Variants in ZNF174 observed in about 807,000 individuals in gnomAD.
ZNF174 encodes AW-1.
In ZNF174, 30 loss-of-function variants were observed where a neutral mutation model predicts 38.7. The observed-to-expected ratio is 0.78, with a 90% CI of 0.58 to 1.05. The LOEUF is 1.05. Ranked by LOEUF, ZNF174 falls within the 50% of genes least tolerant of loss-of-function variation. The pLI, the probability that ZNF174 is intolerant of heterozygous loss-of-function variation, is 0.00. For missense variants in ZNF174, 499 were observed against 495.6 expected (o/e 1.01, Z -0.06); for synonymous variants, 201 against 181.7 (o/e 1.11, Z -0.86).
At position 3,404,431 on chromosome 16, in the gene ZNF174, C is replaced by G. The variant is rs1328589288; in HGVS notation, c.408C>G (p.Ala136=). The change falls in exon 2 of 3, where the codon GCC becomes GCG. Residue 136 remains alanine (A), a synonymous_variant. Coordinates refer to ENST00000268655, the MANE Select transcript of ZNF174 (RefSeq NM_003450.3). ...TGGATGGGGCTTGTTCCTAGGTGGCCGTTTGTATGCAGGGGCAAAAGGTGC... is the reference window on the plus strand; with the variant it reads ...TGGATGGGGCTTGTTCCTAGGTGGCGGTTTGTATGCAGGGGCAAAAGGTGC... ...RASKKPKQWV[A]VCMQGQKVLL... is the part of the protein sequence containing the mutation. 2.7e-5 allele frequency: 44 copies of G among 1,601,572 alleles called. No individual in the cohort carries two copies. Among genetic ancestry groups the G allele is most frequent in the Non-Finnish European group, 3.6e-5 (42 of 1,171,444 alleles).
At chr16:3,403,106 T>C (rs552516021) in intron 1 of ZNF174, among the ~76,000 whole-genome samples, 1 of 151,468 alleles carries the variant, frequency 6.6e-6, no homozygotes, top group Admixed American at 6.6e-5. Context: ...CTTCATTTCA[T>C]TGGAAGTTCT....
At position 3,404,980 on chromosome 16, in the gene ZNF174, A is replaced by C. The variant is rs148036482; in HGVS notation, c.625+332A>C. On this transcript the variant is annotated intron_variant, in intron 2 of 2. Transcript: ENST00000268655. ...TCCATGCAAGCTATGGCTGAGTTTC[A>C]TTGCTTAAAATGCTCCTCTGTTTAG... 4.9e-5 allele frequency: 79 copies of C among 1,614,122 alleles called. 1 individual carries two copies. The African/African-American group carries it at 1.0e-3, about 20-fold the overall frequency.
intron 2 of ZNF174, among the ~76,000 whole-genome samples, chr16:3,406,856 A>G (rs535561753): frequency 9.5e-4 from 145 of 152,302 alleles, no homozygotes; most frequent in Non-Finnish European, 1.8e-3. Flanking sequence ...GGGCACAAAT[A>G]TGTACAGCTA....
At chr16:3,402,914 C>CGGGT (rs1257907858) in intron 1 of ZNF174, among the ~76,000 whole-genome samples, 5 of 152,090 alleles carry the variant, frequency 3.3e-5, no homozygotes, top group Admixed American at 1.3e-4. Context: ...TACTGATACC[C>CGGGT]AGTGAGGCAA....
rs982685016 is a variant in ZNF174 at position 3,409,231 on chromosome 16, G to A, written c.*312G>A. 5.3e-5 allele frequency: 17 copies of A among 319,134 alleles called. No individual in the cohort carries two copies. Among genetic ancestry groups the A allele is most frequent in the Non-Finnish European group, 8.1e-5 (14 of 172,814 alleles). 19.8% of individuals were successfully genotyped at this position (319,134 alleles called of 1,614,324 possible). A position where few individuals can be genotyped will look rare whatever the true frequency, so the allele number is the denominator to read the frequency against. The stretch of plus-strand genomic sequence containing the variant: ...CAGGTGGCCCGCTTACTGTTAAATC[G>A]TCCCTCTGTTGCTTTATCCTCTAAA... On this transcript the variant is annotated 3_prime_UTR_variant, in exon 3 of 3. Transcript: ENST00000268655.
At position 3,406,224 on chromosome 16, in the gene ZNF174, A is replaced by C. The variant is rs187251579; in HGVS notation, c.625+1576A>C. Among the ~76,000 whole-genome samples the C allele has an allele frequency of 9.0e-4, 137 of 152,094 alleles. 1 individual carries two copies. Among genetic ancestry groups the C allele is most frequent in the African/African-American group, 3.2e-3 (133 of 41,482 alleles). On this transcript the variant is annotated intron_variant, in intron 2 of 2. Transcript: ENST00000268655. ...GTTCATAGATTTTTGGGTTGTTTCT[A>C]CTTTTTGGTTATTATGAAGAATGCT...
Position 3,408,985 on chromosome 16 carries a change from T to A in ZNF174, c.*66T>A. ...GTGTTTCTCCTCCCCCTTACTTGCATGTAAATCACAAAAACTGTGTGACTT... is the reference window on the plus strand; with the variant it reads ...GTGTTTCTCCTCCCCCTTACTTGCAAGTAAATCACAAAAACTGTGTGACTT... On this transcript the variant is annotated 3_prime_UTR_variant, in exon 3 of 3. Coordinates refer to ENST00000268655, the MANE Select transcript of ZNF174 (RefSeq NM_003450.3). 7.0e-7 allele frequency: 1 copy of A among 1,436,034 alleles called. No individual in the cohort carries two copies. Among genetic ancestry groups the A allele is most frequent in the Middle Eastern group, 1.9e-4 (1 of 5,218 alleles). 89.0% of individuals were successfully genotyped at this position (1,436,034 alleles called of 1,614,324 possible).
At position 3,404,668 on chromosome 16, in the gene ZNF174, T is replaced by G. The variant is rs575065315; in HGVS notation, c.625+20T>G. 6 of 1,613,312 alleles carry G rather than the reference T, an allele frequency of 3.7e-6. No homozygotes were observed. The African/African-American group carries it at 5.3e-5, about 14-fold the overall frequency. ...GGACAGGTAAACACTCTGCCTTTTCTCTCCCTCTCATCAGCCCTTTATCTC... is the reference window on the plus strand; with the variant it reads ...GGACAGGTAAACACTCTGCCTTTTCGCTCCCTCTCATCAGCCCTTTATCTC... On this transcript the variant is annotated intron_variant, in intron 2 of 2. Transcript: ENST00000268655.
chr16:3,403,664 T>C (rs1166310403), intron 1 of ZNF174, among the ~76,000 whole-genome samples: 2 of 152,052 alleles, frequency 1.3e-5, no homozygotes, highest in African/African-American at 2.4e-5. Flanking sequence ...TTTGTACTTT[T>C]GTAGAGACAG....
intron 1 of ZNF174, among the ~76,000 whole-genome samples, chr16:3,403,119 C>T (rs1258411381): frequency 9.3e-6 from 1 of 108,078 alleles, no homozygotes; most frequent in Non-Finnish European, 1.9e-5. Context: ...GAAGTTCTAG[C>T]TTATTGTCTT....
In ZNF174 at chr16:3,401,254, C is replaced by G. The variant is rs1343844583; in HGVS notation, c.-751C>G. Reference sequence around the variant, plus strand: ...GGTGTCGGGTCCTAAGTCCCTCGGTCTTGGGTTCCCGGAGAGGTGAGTCGG... The same window carrying G: ...GGTGTCGGGTCCTAAGTCCCTCGGTGTTGGGTTCCCGGAGAGGTGAGTCGG... On this transcript the variant is annotated 5_prime_UTR_variant, in exon 1 of 3. Coordinates refer to ENST00000268655, the MANE Select transcript of ZNF174 (RefSeq NM_003450.3). The G allele has an allele frequency of 2.0e-4, 30 of 152,402 alleles. No individual in the cohort carries two copies. The highest frequency in any genetic ancestry group is 2.0e-3 in the Admixed American group (30 of 15,290). 9.4% of individuals were successfully genotyped at this position (152,402 alleles called of 1,614,324 possible). A position where few individuals can be genotyped will look rare whatever the true frequency, so the allele number is the denominator to read the frequency against.
intron 2 of ZNF174, among the ~76,000 whole-genome samples, chr16:3,407,518 T>A (rs186678185): frequency 1.6e-3 from 241 of 152,276 alleles, no homozygotes; most frequent in African/African-American, 5.0e-3. Context: ...TAAAAAAAAA[T>A]TTAAAATTAA....
In ZNF174 at chr16:3,402,307, G is replaced by C; in HGVS notation, c.303G>C (p.Glu101Asp). ...AGTTCCTGACCATCCTGCCCCCGGA[G>C]ATCCAGGCTCGGGTCAGGCATCGAT... is the stretch of plus-strand genomic sequence containing the variant. ...MEQFLTILPP[E>D]IQARVRHRCP... The change falls in exon 1 of 3, where the codon GAG becomes GAC. Residue 101 changes from glutamate to aspartate, a missense_variant. By Grantham distance (45) the Glu-to-Asp change is conservative (BLOSUM62 2). Transcript: ENST00000268655. The C allele has an allele frequency of 1.9e-6, 3 of 1,614,150 alleles. No homozygotes were observed. Among genetic ancestry groups the C allele is most frequent in the Non-Finnish European group, 2.5e-6 (3 of 1,180,040 alleles).
At chr16:3,404,278 C>T in intron 1 of ZNF174, 148 bp from the exon 2 acceptor site, 3 of 767,188 alleles carry the variant, frequency 3.9e-6, no homozygotes, top group Non-Finnish European at 6.3e-6. Context: ...CCCTTTACTT[C>T]CTTTGAGGGT....
In ZNF174 at chr16:3,401,653, C is replaced by T; in HGVS notation, c.-352C>T. 4.7e-6 allele frequency: 1 copy of T among 213,024 alleles called. No homozygotes were observed. 13.2% of individuals were successfully genotyped at this position (213,024 alleles called of 1,614,324 possible). ...ACTTTTCCTAGGGATTCCGCTCCAC[C>T]CGCCGGTTAGAGCGTATTGCTCATT... On this transcript the variant is annotated 5_prime_UTR_variant, in exon 1 of 3. Transcript: ENST00000268655.
chr16:3,407,323 CA>C (rs917750310), intron 2 of ZNF174, among the ~76,000 whole-genome samples: 20 of 152,234 alleles, frequency 1.3e-4, no homozygotes, highest in East Asian at 3.9e-4. Flanking sequence ...TGTCAGGGGA[CA>C]GGGGGGATAA....
Position 3,408,910 on chromosome 16 carries a change from T to C in ZNF174, c.1215T>C (p.His405=), listed in dbSNP as rs1439895957. The C allele has an allele frequency of 1.2e-6, 2 of 1,607,908 alleles. No individual in the cohort carries two copies. The highest frequency in any genetic ancestry group is 2.2e-5 in the East Asian group (1 of 44,784). The change falls in exon 3 of 3, where the codon CAT becomes CAC. Residue 405 remains histidine (H), a synonymous_variant. Transcript: ENST00000268655. ...SNLHQHHRLH[H]GD is the part of the protein sequence containing the mutation. ...TTCACCAGCATCACCGACTTCACCA[T>C]GGGGACTAAAAGGAGCACTCCATGC...
chr16:3,407,522 A>T (rs543968900), intron 2 of ZNF174, among the ~76,000 whole-genome samples: 109 of 152,374 alleles, frequency 7.2e-4, no homozygotes, highest in African/African-American at 2.6e-3. Context: ...AAAAAATTTA[A>T]AATTAAGTTC....
At chr16:3,404,376 G>A (rs1440469373) in intron 1 of ZNF174, 50 bp from the exon 2 acceptor site, 1 of 1,515,632 alleles carries the variant, frequency 6.6e-7, no homozygotes, top group Non-Finnish European at 8.9e-7. Flanking sequence ...GAGAGATCAA[G>A]CTTCCCTCAG....
Sources: gnomAD v4.1 joint callset for allele counts (sites outside exome capture counted in the v4.1 genomes callset) on GRCh38, gnomAD v4.1.1 for gene constraint, MANE v1.5 for transcripts, NCBI Gene and HGNC (gene_info 2026-07-23, HGNC 2026-07-21) for gene names.